MAPKAP1: variants seen among roughly 807,000 people sequenced by gnomAD.
The protein encoded by MAPKAP1 is MAPK associated protein 1.
In MAPKAP1, 20 loss-of-function variants were observed where a neutral mutation model predicts 65.7. The observed-to-expected ratio is 0.30, with a 90% confidence interval of 0.21 to 0.44. MAPKAP1 has a LOEUF of 0.44. MAPKAP1 is among the 20% of genes least tolerant of loss of function. The pLI is 1.00. For synonymous variants in MAPKAP1, 222 were observed against 244.3 expected, an observed-to-expected ratio of 0.91 and a Z score of 0.85; for missense variants, 423 against 648.0, an observed-to-expected ratio of 0.65 and a Z score of 3.77.
At chr9:125,465,758 C>T (rs1456811343) in intron 10 of MAPKAP1, among the ~76,000 whole-genome samples, 1 of 152,124 alleles carries the variant, frequency 6.6e-6, no homozygotes, top group African/African-American at 2.4e-5. Flanking sequence ...TGGATAAATA[C>T]AGCACAAAGG....
intron 8 of MAPKAP1, among the ~76,000 whole-genome samples, chr9:125,496,277 C>T (rs754915279): frequency 2.0e-5 from 3 of 152,198 alleles, no homozygotes; most frequent in Non-Finnish European, 4.4e-5. Context: ...GTGCAGCAAA[C>T]AGGGAGCTAT....
intron 6 of MAPKAP1, among the ~76,000 whole-genome samples, chr9:125,550,551 G>C (rs750770512): frequency 3.3e-5 from 5 of 152,208 alleles, no homozygotes; most frequent in Non-Finnish European, 7.3e-5. Context: ...AGACATTCCA[G>C]TGAGCAAAAC....
At chr9:125,503,655 C>G (rs1320803644) in intron 8 of MAPKAP1, among the ~76,000 whole-genome samples, 1 of 152,036 alleles carries the variant, frequency 6.6e-6, no homozygotes, top group Admixed American at 6.5e-5. Flanking sequence ...GTTGTTAAAA[C>G]ACTGTACATA....
At chr9:125,596,174 G>A in intron 4 of MAPKAP1, 1 of 769,630 alleles carries the variant, frequency 1.3e-6, no homozygotes, top group Non-Finnish European at 2.4e-6. Context: ...ACCATACTGT[G>A]AATGGCCACA....
At chr9:125,565,239 A>G (rs892643393) in intron 5 of MAPKAP1, 5 of 152,266 alleles carry the variant, frequency 3.3e-5, no homozygotes, top group African/African-American at 1.2e-4. Flanking sequence ...AAAGGCCAGT[A>G]TAGCTTTCAC....
At chr9:125,619,475 TA>T (rs548900107) in intron 4 of MAPKAP1, among the ~76,000 whole-genome samples, 166 of 143,028 alleles carry the variant, frequency 1.2e-3, no homozygotes, top group Middle Eastern at 3.4e-3. Flanking sequence ...AGACTCCATT[TA>T]AAAAAAAAAA....
intron 1 of MAPKAP1, among the ~76,000 whole-genome samples, chr9:125,673,826 T>C (rs537282031): frequency 3.7e-4 from 56 of 152,116 alleles, no homozygotes; most frequent in African/African-American, 1.3e-3. Context: ...CCTGTAGTCA[T>C]AGCTACTCAT....
chr9:125,702,833 C>A (rs1230855720), intron 1 of MAPKAP1, among the ~76,000 whole-genome samples: 1 of 149,210 alleles, frequency 6.7e-6, no homozygotes, highest in Non-Finnish European at 1.5e-5. Context: ...GCCTGGGCAA[C>A]AAGAGCGAGA....
intron 5 of MAPKAP1, among the ~76,000 whole-genome samples, chr9:125,569,806 T>C (rs970218859): frequency 2.6e-5 from 4 of 152,218 alleles, no homozygotes; most frequent in African/African-American, 9.6e-5. Flanking sequence ...TGTAGCTACA[T>C]ATGTGTTGTG....
At chr9:125,466,211 G>A (rs1328794299) in intron 10 of MAPKAP1, among the ~76,000 whole-genome samples, 1 of 152,136 alleles carries the variant, frequency 6.6e-6, no homozygotes, top group Non-Finnish European at 1.5e-5. Flanking sequence ...AAGACTTTGT[G>A]TCTACAACTA....
intron 5 of MAPKAP1, among the ~76,000 whole-genome samples, chr9:125,569,054 C>A (rs558223203): frequency 7.2e-5 from 11 of 152,162 alleles, no homozygotes; most frequent in African/African-American, 2.7e-4. Context: ...GGGTAAAACA[C>A]GGGCTTAGAA....
chr9:125,682,981 G>A lies in MAPKAP1; in HGVS notation c.-69-10338C>T, dbSNP rs146452078. ...ATTCTTTTTTTTTTTTTTTTGAGAC[G>A]GAGTTTTGCTCTTGTTGCCCAGGCT... On this transcript the variant is annotated intron_variant, in intron 1 of 11. Coordinates refer to ENST00000265960, the MANE Select transcript of MAPKAP1 (RefSeq NM_001006617.3). 3.4e-3 allele frequency among the ~76,000 whole-genome samples: 505 copies of A among 149,230 alleles called. 1 individual carries two copies. The highest frequency in any genetic ancestry group is 4.5e-3 in the Non-Finnish European group (305 of 67,370).
At chr9:125,503,106 T>C (rs1209255349) in intron 8 of MAPKAP1, among the ~76,000 whole-genome samples, 1 of 152,184 alleles carries the variant, frequency 6.6e-6, no homozygotes, top group Non-Finnish European at 1.5e-5. Flanking sequence ...TCTCCATCCT[T>C]TTACTTCAAA....
At chr9:125,631,442 G>A (rs1833276703) in intron 4 of MAPKAP1, among the ~76,000 whole-genome samples, 1 of 152,176 alleles carries the variant, frequency 6.6e-6, no homozygotes, top group Non-Finnish European at 1.5e-5. Context: ...TTCTCTGGAT[G>A]GATTCTGTAA....
intron 9 of MAPKAP1, among the ~76,000 whole-genome samples, chr9:125,470,661 C>T (rs1462819108): frequency 3.3e-5 from 5 of 152,190 alleles, no homozygotes; most frequent in Admixed American, 1.3e-4. Context: ...TTCCCAATGA[C>T]GCCCTTTCCT....
chr9:125,468,883 C>A (rs1007161602), intron 9 of MAPKAP1, among the ~76,000 whole-genome samples: 2 of 152,074 alleles, frequency 1.3e-5, no homozygotes, highest in Non-Finnish European at 2.9e-5. Context: ...GTATAGTGAC[C>A]GGGAATAAAG....
intron 4 of MAPKAP1, among the ~76,000 whole-genome samples, chr9:125,611,106 TTAAATAAAGCA>T (rs368755884): frequency 6.6e-6 from 1 of 152,140 alleles, no homozygotes; most frequent in Non-Finnish European, 1.5e-5. Context: ...CTTTTAAAGA[TTAAATAAAGCA>T]TAAATAAAGC....
chr9:125,614,596 G>T (rs1478189394), intron 4 of MAPKAP1, among the ~76,000 whole-genome samples: 2 of 152,116 alleles, frequency 1.3e-5, no homozygotes, highest in African/African-American at 4.8e-5. Context: ...TTGCACTCCA[G>T]CTTTGAGCAA....
intron 8 of MAPKAP1, among the ~76,000 whole-genome samples, chr9:125,486,683 C>T (rs1464050702): frequency 1.3e-5 from 2 of 152,212 alleles, no homozygotes; most frequent in Non-Finnish European, 2.9e-5. Context: ...CCAGCACCCA[C>T]AATAGTACTT....
Sources: gnomAD v4.1 joint callset for allele counts (sites outside exome capture counted in the v4.1 genomes callset) on GRCh38, gnomAD v4.1.1 for gene constraint, MANE v1.5 for transcripts, NCBI Gene and HGNC (gene_info 2026-07-23, HGNC 2026-07-21) for gene names.